Variants in CCDC39 observed in about 807,000 individuals in gnomAD.
CCDC39 encodes the protein coiled-coil domain-containing protein 39.
Under a neutral mutation model 121.0 loss-of-function variants are expected in CCDC39, and 113 were observed. The ratio of observed to expected loss-of-function variants is 0.93; its 90% CI spans 0.80 to 1.09. CCDC39 has a LOEUF of 1.09. Ranked by LOEUF, CCDC39 falls within the 50% of genes least tolerant of loss-of-function variation. The pLI, the probability that CCDC39 is intolerant of heterozygous loss-of-function variation, is 0.00. For synonymous variants in CCDC39, 349 were observed against 352.2 expected, an observed-to-expected ratio of 0.99 and a Z score of 0.10; for missense variants, 1,063 against 1,074.7, an observed-to-expected ratio of 0.99 and a Z score of 0.15.
intron 16 of CCDC39, chr3:180,617,717 CA>C (rs1717300947): frequency 2.6e-6 from 1 of 384,996 alleles, no homozygotes; most frequent in Admixed American, 4.5e-5. Context: ...AATGTCATCA[CA>C]AAAGAGTAAA....
intron 9 of CCDC39, among the ~76,000 whole-genome samples, chr3:180,649,136 C>T (rs1343379366): frequency 6.6e-6 from 1 of 152,072 alleles, no homozygotes; most frequent in Non-Finnish European, 1.5e-5. Flanking sequence ...TAACTATTGG[C>T]TCTTGTAAGC....
chr3:180,660,686 A>G lies in CCDC39; in HGVS notation c.400T>C (p.Cys134Arg). 10 of 1,602,678 alleles carry G rather than the reference A, an allele frequency of 6.2e-6. No homozygotes were observed. Among genetic ancestry groups the G allele is most frequent in the Non-Finnish European group, 8.5e-6 (10 of 1,173,740 alleles). The change falls in exon 4 of 20, where the codon TGT (cysteine) becomes CGT (arginine). Residue 134 changes from cysteine to arginine, a missense_variant. Cys to Arg is a radical substitution (Grantham distance 180). Transcript: ENST00000476379. ...GCTTGCTGGTCCCAGTTCATTTGAC[A>G]TTTCAAACCATCCAATTTTTGAGTG... is the stretch of plus-strand genomic sequence containing the variant. Reference protein sequence around the residue: ...KATQKLDGLKCQMNWDQQALE... With the variant: ...KATQKLDGLKRQMNWDQQALE...
rs1576951197 is a variant in CCDC39 at position 180,663,904 on chromosome 3, T to C, written c.173A>G (p.His58Arg). The change falls in exon 2 of 20, where the codon CAC becomes CGC. Residue 58 changes from histidine (H) to arginine (R), a missense_variant. By Grantham distance (29) the His-to-Arg change is conservative. Transcript: ENST00000476379. Reference sequence around the variant, plus strand: ...GAGCTCTTGCTTAACATTTTTGAAGTGAGAAGTCATAGAATTAATTCGCTC... The same window carrying C: ...GAGCTCTTGCTTAACATTTTTGAAGCGAGAAGTCATAGAATTAATTCGCTC... ...YEERINSMTS[H>R]FKNVKQELSI... The C allele has an allele frequency of 1.9e-6, 3 of 1,612,454 alleles. No individual in the cohort carries two copies. The highest frequency in any genetic ancestry group is 1.7e-6 in the Non-Finnish European group (2 of 1,179,178).
At chr3:180,622,991 A>T (rs1242637257) in intron 14 of CCDC39, among the ~76,000 whole-genome samples, 1 of 151,658 alleles carries the variant, frequency 6.6e-6, no homozygotes, top group Non-Finnish European at 1.5e-5. Context: ...TTTCAGGAGG[A>T]TTTGTATTAG....
chr3:180,664,698 C>CTTT (rs535953318), intron 1 of CCDC39, among the ~76,000 whole-genome samples: 5,332 of 137,306 alleles, frequency 0.039, 347 homozygotes, highest in African/African-American at 0.14. Context: ...CACAAGAGAT[C>CTTT]TTTTTTTTTT....
intron 1 of CCDC39, among the ~76,000 whole-genome samples, chr3:180,678,848 C>A (rs1274159012): frequency 2.0e-5 from 3 of 152,132 alleles, no homozygotes. Context: ...ACATTACAGA[C>A]AAAAACTCAC....
chr3:180,674,780 T>C (rs911718814), intron 1 of CCDC39, among the ~76,000 whole-genome samples: 3 of 152,058 alleles, frequency 2.0e-5, no homozygotes, highest in African/African-American at 7.2e-5. Flanking sequence ...CTGGATTACG[T>C]TTATTGATTT....
chr3:180,659,335 G>T, intron 6 of CCDC39, 117 bp downstream of exon 6: 1 of 1,289,480 alleles, frequency 7.8e-7, no homozygotes, highest in African/African-American at 1.5e-5. Flanking sequence ...CAAAACTACT[G>T]AATATTGCTA....
intron 19 of CCDC39, 79 bp downstream of exon 19, chr3:180,616,202 C>A: frequency 8.4e-7 from 1 of 1,190,896 alleles, no homozygotes; most frequent in Non-Finnish European, 1.2e-6. Flanking sequence ...CTAACAGCTG[C>A]GGTGATGTAG....
chr3:180,629,928 T>C (rs1393256073), intron 14 of CCDC39, among the ~76,000 whole-genome samples: 1 of 152,180 alleles, frequency 6.6e-6, no homozygotes, highest in Non-Finnish European at 1.5e-5. Flanking sequence ...ATCAGCATCA[T>C]CACAGTAATA....
At chr3:180,662,841 G>T (rs1281829132) in intron 2 of CCDC39, among the ~76,000 whole-genome samples, 1 of 152,072 alleles carries the variant, frequency 6.6e-6, no homozygotes, top group Admixed American at 6.5e-5. Context: ...ATTATAAATT[G>T]CTTTTTAAAA....
chr3:180,630,165 C>A (rs1337847976), intron 14 of CCDC39, among the ~76,000 whole-genome samples: 1 of 152,070 alleles, frequency 6.6e-6, no homozygotes, highest in Non-Finnish European at 1.5e-5. Flanking sequence ...TTTAGGTAAC[C>A]CATCACACCA....
At chr3:180,673,985 T>G (rs1712120761) in intron 1 of CCDC39, among the ~76,000 whole-genome samples, 2 of 151,890 alleles carry the variant, frequency 1.3e-5, no homozygotes, top group Admixed American at 6.6e-5. Context: ...CCATATAAAT[T>G]TTAAAGTAGT....
intron 1 of CCDC39, among the ~76,000 whole-genome samples, chr3:180,672,214 C>A (rs1312148400): frequency 2.0e-5 from 3 of 152,150 alleles, no homozygotes; most frequent in Non-Finnish European, 4.4e-5. Flanking sequence ...GAAAAAAAAG[C>A]CTGGATGACA....
intron 1 of CCDC39, among the ~76,000 whole-genome samples, chr3:180,677,204 ATATATATATAT>A: frequency 1.8e-5 from 2 of 113,156 alleles, no homozygotes; most frequent in Non-Finnish European, 1.8e-5. Flanking sequence ...ATATATATAT[ATATATATATAT>A]AAAATCACAG....
intron 16 of CCDC39, chr3:180,617,462 TATC>T (rs1717290209): frequency 1.5e-6 from 1 of 688,522 alleles, no homozygotes; most frequent in Non-Finnish European, 2.7e-6. Flanking sequence ...AGGGCATTGT[TATC>T]ATAGATGACA....
At chr3:180,617,684 T>G in intron 16 of CCDC39, 1 of 394,062 alleles carries the variant, frequency 2.5e-6, no homozygotes, top group Admixed American at 4.4e-5. Context: ...TTTTGTGCAG[T>G]TGAACAATGA....
intron 13 of CCDC39, among the ~76,000 whole-genome samples, chr3:180,641,579 G>A (rs1313972786): frequency 1.3e-5 from 2 of 152,064 alleles, no homozygotes; most frequent in African/African-American, 2.4e-5. Flanking sequence ...GAAATTAACT[G>A]CATTTCTACA....
At chr3:180,648,107 T>C in intron 10 of CCDC39, 58 bp downstream of exon 10, 3 of 1,370,202 alleles carry the variant, frequency 2.2e-6, no homozygotes, top group Non-Finnish European at 3.1e-6. Context: ...ATGGCGTATC[T>C]TGACCATCAC....
Sources: allele counts gnomAD v4.1 joint callset (sites outside exome capture counted in the v4.1 genomes callset), GRCh38; gene constraint gnomAD v4.1.1; transcripts MANE v1.5; gene names NCBI Gene and HGNC (gene_info 2026-07-23, HGNC 2026-07-21).